FCRLA: variants seen among roughly 807,000 people sequenced by gnomAD.
The protein encoded by FCRLA is Fc receptor like A.
In FCRLA, 26 loss-of-function variants were observed where a neutral mutation model predicts 28.4. That is an observed-to-expected ratio of 0.91 (90% confidence interval 0.67 to 1.27). The LOEUF (loss-of-function observed/expected upper bound fraction) is 1.27, where lower values mean the gene tolerates loss of function less well. Among genes scored for constraint, FCRLA ranks in the 50% most tolerant of loss-of-function variants. FCRLA has a pLI of 0.00. For synonymous variants in FCRLA, 174 were observed against 168.5 expected (o/e 1.03, Z -0.25); for missense variants, 422 against 433.1 (o/e 0.97, Z 0.23).
At chr1:161,710,694 A>G (rs1443022684) in intron 1 of FCRLA, 66 bp from the exon 2 acceptor site, 1 of 1,591,006 alleles carries the variant, frequency 6.3e-7, no homozygotes, top group Admixed American at 1.7e-5. Flanking sequence ...AGATGGAGGA[A>G]CCCTGTCCTC....
rs1571063634 is a variant in FCRLA, at chr1:161,711,227, T to G, written c.252T>G (p.Gly84=). 1 of 1,613,716 alleles carries G rather than the reference T, an allele frequency of 6.2e-7. No homozygotes were observed. Among genetic ancestry groups the G allele is most frequent in the Non-Finnish European group, 8.5e-7 (1 of 1,179,826 alleles). Residue 84 remains glycine (G), a synonymous_variant, in exon 3 of 5, where the codon GGT becomes GGG. Transcript: ENST00000236938. ...IVSYDWLILQ[G]PAKPVFEGDL... is the part of the protein sequence containing the mutation. The stretch of plus-strand genomic sequence containing the variant: ...CCATAGACTGGCTGATCCTCCAAGG[T>G]CCAGCCAAGCCAGTTTTTGAAGGGG...
In FCRLA at chr1:161,711,591, G is replaced by A. The variant is rs1262271432; in HGVS notation, c.499+117G>A. 4.5e-6 allele frequency: 6 copies of A among 1,338,032 alleles called. No homozygotes were observed. The East Asian group carries it at 1.2e-4, about 27-fold the overall frequency. The allele number at this position is 1,338,032 out of a possible 1,614,324, so 82.9% of individuals were successfully genotyped here. A position where few individuals can be genotyped will look rare whatever the true frequency, so the allele number is the denominator to read the frequency against. On this transcript the variant is annotated intron_variant, in intron 3 of 4. Coordinates refer to ENST00000236938, the MANE Select transcript of FCRLA (RefSeq NM_032738.4). ...TCATCAACAGACTATGGAGCAGGTT[G>A]CTGGCAAATGCCCAAGTTGGGCTTC...
chr1:161,712,788 C>T (rs1325477847), intron 4 of FCRLA, among the ~76,000 whole-genome samples: 2 of 152,212 alleles, frequency 1.3e-5, no homozygotes, highest in Non-Finnish European at 2.9e-5. Flanking sequence ...AAGAGGCTGA[C>T]CTAGAACCAG....
At chr1:161,711,560 G>C in intron 3 of FCRLA, 86 bp downstream of exon 3, 1 of 1,493,774 alleles carries the variant, frequency 6.7e-7, no homozygotes, top group Non-Finnish European at 9.0e-7. Context: ...CCTGGAGGTA[G>C]CAAGATCATC....
intron 2 of FCRLA, 21 bp downstream of exon 2, chr1:161,710,933 G>C: frequency 1.2e-6 from 2 of 1,611,530 alleles, no homozygotes; most frequent in Non-Finnish European, 1.7e-6. Flanking sequence ...GGGAAGGCCT[G>C]AGCAGTGCCC....
intron 1 of FCRLA, among the ~76,000 whole-genome samples, chr1:161,709,488 A>G (rs1205016342): frequency 2.0e-5 from 3 of 152,198 alleles, no homozygotes; most frequent in Non-Finnish European, 4.4e-5. Context: ...GATGAGTGAC[A>G]GTGGAGGAAC....
At chr1:161,712,272 G>C (rs994944852) in intron 4 of FCRLA, 54 bp downstream of exon 4, 1 of 1,565,098 alleles carries the variant, frequency 6.4e-7, no homozygotes, top group Non-Finnish European at 8.7e-7. Flanking sequence ...TGAGTGAAAA[G>C]GAGGGATAGG....
rs1217529104 is a variant in FCRLA at position 161,714,241 on chromosome 1, T to C, written c.*861T>C. Reference sequence around the variant, plus strand: ...ATGAGGACGTGGCAAGAAGATGACATGTATGAGAACCAAAAAACAGCTGTC... The same window carrying C: ...ATGAGGACGTGGCAAGAAGATGACACGTATGAGAACCAAAAAACAGCTGTC... On this transcript the variant is annotated 3_prime_UTR_variant, in exon 5 of 5. Transcript: ENST00000236938. 1 of 152,146 alleles carries C rather than the reference T, an allele frequency of 6.6e-6. No homozygotes were observed. The highest frequency in any genetic ancestry group is 1.5e-5 in the Non-Finnish European group (1 of 68,026). The allele number at this position is 152,146 out of a possible 1,614,324, so 9.4% of individuals were successfully genotyped here.
In FCRLA at chr1:161,713,718, A is replaced by T. The variant is rs960243373; in HGVS notation, c.*338A>T. On this transcript the variant is annotated 3_prime_UTR_variant, in exon 5 of 5. Coordinates refer to ENST00000236938, the MANE Select transcript of FCRLA (RefSeq NM_032738.4). ...GGGGCAATTTTGCCCCCCAGAGGAC[A>T]TTGGGCAATGTTTGGAGACATTTTG... 7 of 191,176 alleles carry T rather than the reference A, an allele frequency of 3.7e-5. No homozygotes were observed. The highest frequency in any genetic ancestry group is 7.5e-5 in the Non-Finnish European group (7 of 93,714). 11.8% of individuals were successfully genotyped at this position (191,176 alleles called of 1,614,324 possible).
At chr1:161,710,978 G>A in intron 2 of FCRLA, 66 bp downstream of exon 2, 2 of 1,594,500 alleles carry the variant, frequency 1.3e-6, no homozygotes, top group Non-Finnish European at 1.7e-6. Context: ...GCCCACCCAG[G>A]AAAGTGTCCC....
At chr1:161,710,400 G>A (rs2101655243) in intron 1 of FCRLA, 2 of 1,363,092 alleles carry the variant, frequency 1.5e-6, no homozygotes, top group East Asian at 2.5e-5. Flanking sequence ...AGAATCTGAT[G>A]TCTCCCTTTC....
intron 4 of FCRLA, 79 bp from the exon 5 acceptor site, chr1:161,713,006 A>G: frequency 6.7e-7 from 1 of 1,495,400 alleles, no homozygotes; most frequent in Non-Finnish European, 9.0e-7. Flanking sequence ...TCAGAGAACA[A>G]GAAAGATTGG....
Position 161,711,871 on chromosome 1 carries a change from C to A in FCRLA, c.500-63C>A, listed in dbSNP as rs1105238. ...AGTATGACTCCCCAAGTCTCTTCAC[C>A]TGCATGTGTCTACCTGTATATAAGA... On this transcript the variant is annotated intron_variant, in intron 3 of 4. Coordinates refer to ENST00000236938, the MANE Select transcript of FCRLA (RefSeq NM_032738.4). The A allele has an allele frequency of 2.4e-5, 36 of 1,522,188 alleles. No individual in the cohort carries two copies. In the African/African-American group the frequency reaches 3.3e-4, roughly 14 times the overall value. The allele number at this position is 1,522,188 out of a possible 1,614,324, so 94.3% of individuals were successfully genotyped here. A position where few individuals can be genotyped will look rare whatever the true frequency, so the allele number is the denominator to read the frequency against.
At chr1:161,710,579 C>A in intron 1 of FCRLA, 181 bp from the exon 2 acceptor site, 1 of 1,466,244 alleles carries the variant, frequency 6.8e-7, no homozygotes, top group South Asian at 1.2e-5. Context: ...GCCAGTGAAT[C>A]AAGGTCAAAA....
intron 1 of FCRLA, chr1:161,710,457 C>G: frequency 6.5e-7 from 1 of 1,550,338 alleles, no homozygotes; most frequent in South Asian, 1.2e-5. Context: ...TGTCTTTGCT[C>G]CTGGTTTCCC....
At chr1:161,707,455 T>A in intron 1 of FCRLA, 112 bp downstream of exon 1, 1 of 1,211,408 alleles carries the variant, frequency 8.3e-7, no homozygotes, top group Non-Finnish European at 1.1e-6. Context: ...GAAGCAGTAT[T>A]CAGGTGGAAT....
intron 1 of FCRLA, among the ~76,000 whole-genome samples, chr1:161,708,737 A>G (rs1028395560): frequency 6.6e-6 from 1 of 152,180 alleles, no homozygotes; most frequent in Non-Finnish European, 1.5e-5. Context: ...AGGTACCCCT[A>G]AAGACTCAGC....
chr1:161,710,655 C>T (rs558840058), intron 1 of FCRLA, 105 bp from the exon 2 acceptor site: 1 of 1,485,540 alleles, frequency 6.7e-7, no homozygotes, highest in African/African-American at 1.4e-5. Flanking sequence ...TCTTACTAGT[C>T]TCATTCTAAA....
intron 1 of FCRLA, among the ~76,000 whole-genome samples, chr1:161,707,891 G>T (rs1003793209): frequency 6.6e-6 from 1 of 152,036 alleles, no homozygotes; most frequent in Non-Finnish European, 1.5e-5. Context: ...TCCCTTAATA[G>T]CTTCTCTTCT....
Sources: gnomAD v4.1 joint callset for allele counts (sites outside exome capture counted in the v4.1 genomes callset) on GRCh38, gnomAD v4.1.1 for gene constraint, MANE v1.5 for transcripts, NCBI Gene and HGNC (gene_info 2026-07-23, HGNC 2026-07-21) for gene names.